Variants in SPINK8 observed in about 807,000 individuals in gnomAD.
SPINK8 encodes the protein serine protease inhibitor Kazal-type 8.
SPINK8 carries 12 observed loss-of-function variants against 14.4 expected under a neutral mutation model. That is an observed-to-expected ratio of 0.83 (90% CI 0.53 to 1.35). SPINK8 has a LOEUF of 1.35. Ranked by LOEUF, SPINK8 falls within the 40% of genes most tolerant of loss-of-function variation. The pLI is 0.00. For missense variants in SPINK8, 103 were observed against 117.0 expected, an observed-to-expected ratio of 0.88 and a Z score of 0.55; for synonymous variants, 32 against 37.6, an observed-to-expected ratio of 0.85 and a Z score of 0.55.
intron 4 of SPINK8, among the ~76,000 whole-genome samples, chr3:48,326,852 A>T (rs1163615238): frequency 6.6e-6 from 1 of 152,006 alleles, no homozygotes. Context: ...TGGAGGTTGC[A>T]GTGAGCTGAG....
chr3:48,310,094 T>TATGA (rs2035905844), intron 6 of SPINK8, 148 bp from the exon 7 acceptor site: 1 of 1,095,446 alleles, frequency 9.1e-7, no homozygotes, highest in African/African-American at 1.6e-5. Context: ...AATTCTACTA[T>TATGA]ATGAATTTTT....
intron 2 of SPINK8, among the ~76,000 whole-genome samples, chr3:48,330,389 C>T (rs1172365494): frequency 1.3e-5 from 2 of 151,998 alleles, no homozygotes; most frequent in African/African-American, 4.8e-5. Flanking sequence ...CGTGGTGGTG[C>T]GTGCCTGTAA....
intron 2 of SPINK8, among the ~76,000 whole-genome samples, chr3:48,330,671 C>T (rs2036242233): frequency 6.6e-6 from 1 of 151,930 alleles, no homozygotes; most frequent in Non-Finnish European, 1.5e-5. Flanking sequence ...TATGATTTGA[C>T]TATTTCTTTA....
At chr3:48,330,386 G>A (rs543110378) in intron 2 of SPINK8, among the ~76,000 whole-genome samples, 1 of 152,230 alleles carries the variant, frequency 6.6e-6, no homozygotes, top group African/African-American at 2.4e-5. Flanking sequence ...GGGCGTGGTG[G>A]TGCGTGCCTG....
intron 6 of SPINK8, among the ~76,000 whole-genome samples, chr3:48,311,404 G>A (rs775929913): frequency 8.6e-5 from 13 of 151,824 alleles, no homozygotes; most frequent in Non-Finnish European, 1.5e-4. Context: ...AATTAGGCAA[G>A]AAAAAGAAAT....
intron 4 of SPINK8, among the ~76,000 whole-genome samples, chr3:48,323,598 A>T (rs1263268760): frequency 6.6e-6 from 1 of 152,210 alleles, no homozygotes; most frequent in Non-Finnish European, 1.5e-5. Flanking sequence ...TCTGTGATCC[A>T]TGTTGAGGCA....
chr3:48,315,104 G>C (rs1422798183), intron 6 of SPINK8, among the ~76,000 whole-genome samples: 2 of 152,142 alleles, frequency 1.3e-5, no homozygotes, highest in African/African-American at 4.8e-5. Flanking sequence ...CTGATAATAA[G>C]ATAATGAGTA....
chr3:48,309,102 C>T lies in SPINK8; in HGVS notation c.282+802G>A, dbSNP rs562425164. On this transcript the variant is annotated intron_variant, in intron 7 of 7. Transcript: ENST00000434006. The stretch of plus-strand genomic sequence containing the variant: ...GTGCTGGTCTGTAAATCAGATGAGC[C>T]CTGTGAGTTTGTCATGGAGATGGTG... Among the ~76,000 whole-genome samples the T allele has an allele frequency of 7.9e-5, 12 of 152,170 alleles. 1 individual carries two copies. In the South Asian group the frequency reaches 2.5e-3, roughly 32 times the overall value.
chr3:48,308,264 G>A (rs1042365236), intron 7 of SPINK8, among the ~76,000 whole-genome samples: 5 of 151,952 alleles, frequency 3.3e-5, no homozygotes, highest in East Asian at 3.9e-4. Flanking sequence ...ATGAGCCACC[G>A]TGCCTGGCCC....
chr3:48,317,398 G>A (rs567949929), intron 6 of SPINK8, among the ~76,000 whole-genome samples: 25 of 152,180 alleles, frequency 1.6e-4, no homozygotes, highest in Non-Finnish European at 3.2e-4. Flanking sequence ...TGAGGCAGGA[G>A]AATCACTTGA....
rs189415470 is a variant in SPINK8, at chr3:48,333,634, A to G, written c.-341T>C. 3.9e-5 allele frequency among the ~76,000 whole-genome samples: 6 copies of G among 152,308 alleles called. No homozygotes were observed. Among genetic ancestry groups the G allele is most frequent in the East Asian group, 1.9e-4 (1 of 5,190 alleles). ...GTGGTCCTTTACCAGCGTGCCTGAC[A>G]TTGCCTTTGCACTCAGGAGTGAGTT... is the stretch of plus-strand genomic sequence containing the variant. On this transcript the variant is annotated 5_prime_UTR_variant, in exon 1 of 8. The change abolishes an upstream ATG in the 5' untranslated region. Transcript: ENST00000434006.
intron 7 of SPINK8, among the ~76,000 whole-genome samples, chr3:48,308,665 T>C (rs1377750253): frequency 4.6e-5 from 7 of 152,216 alleles, no homozygotes; most frequent in Non-Finnish European, 8.8e-5. Context: ...TGATGTGATA[T>C]CTTCCTTACC....
At chr3:48,330,093 T>A (rs190949496) in intron 2 of SPINK8, among the ~76,000 whole-genome samples, 4 of 152,312 alleles carry the variant, frequency 2.6e-5, no homozygotes, top group Admixed American at 2.0e-4. Flanking sequence ...GGAGGTCAAG[T>A]GTATTTTCTC....
intron 2 of SPINK8, among the ~76,000 whole-genome samples, chr3:48,329,694 T>C (rs1001297037): frequency 6.6e-6 from 1 of 152,206 alleles, no homozygotes; most frequent in African/African-American, 2.4e-5. Context: ...ACAAGGTCTT[T>C]CTCTGTTGCC....
At chr3:48,321,145 G>A in intron 4 of SPINK8, 71 bp from the exon 5 acceptor site, 1 of 1,478,934 alleles carries the variant, frequency 6.8e-7, no homozygotes, top group East Asian at 2.5e-5. Context: ...GGTAAGATGA[G>A]GGGAACCCTA....
chr3:48,326,722 A>G (rs144478330), intron 4 of SPINK8, among the ~76,000 whole-genome samples: 1 of 152,250 alleles, frequency 6.6e-6, no homozygotes, highest in Non-Finnish European at 1.5e-5. Context: ...CACCCTGGCC[A>G]ACATAGTCAA....
chr3:48,325,022 C>T (rs1053088732), intron 4 of SPINK8, among the ~76,000 whole-genome samples: 1 of 152,142 alleles, frequency 6.6e-6, no homozygotes, highest in Non-Finnish European at 1.5e-5. Context: ...GATAGACTGA[C>T]CCTTTATCAT....
intron 4 of SPINK8, among the ~76,000 whole-genome samples, chr3:48,325,568 G>T (rs1270336436): frequency 2.0e-5 from 3 of 150,724 alleles, no homozygotes; most frequent in Non-Finnish European, 4.4e-5. Flanking sequence ...GGGACTATAG[G>T]TCTGCACCAC....
At chr3:48,330,476 G>A (rs546957837) in intron 2 of SPINK8, among the ~76,000 whole-genome samples, 2 of 152,218 alleles carry the variant, frequency 1.3e-5, no homozygotes, top group South Asian at 4.1e-4. Context: ...CCGAGATCGC[G>A]CCACTGCACT....
Sources: allele counts gnomAD v4.1 joint callset (sites outside exome capture counted in the v4.1 genomes callset), GRCh38; gene constraint gnomAD v4.1.1; transcripts MANE v1.5; gene names NCBI Gene and HGNC (gene_info 2026-07-23, HGNC 2026-07-21).